Variants in PROKR2 observed in about 807,000 individuals in gnomAD.
PROKR2 encodes prokineticin receptor 2.
A neutral mutation model predicts 23.4 loss-of-function variants in PROKR2; 26 were observed. The ratio of observed to expected loss-of-function variants is 1.11; its 90% CI spans 0.81 to 1.54. The LOEUF (loss-of-function observed/expected upper bound fraction) is 1.54. PROKR2 is among the 40% of genes most tolerant of loss of function. The pLI is 0.00. For synonymous variants in PROKR2, 212 were observed against 201.2 expected, an observed-to-expected ratio of 1.05 and a Z score of -0.45; for missense variants, 453 against 511.5, an observed-to-expected ratio of 0.89 and a Z score of 1.10.
In PROKR2 at chr20:5,301,837, T is replaced by C. The variant is rs1979000061; in HGVS notation, c.*203A>G. 6.6e-6 allele frequency among the ~76,000 whole-genome samples: 1 copy of C among 152,220 alleles called. No individual in the cohort carries two copies. Among genetic ancestry groups the C allele is most frequent in the Non-Finnish European group, 1.5e-5 (1 of 68,042 alleles). The stretch of plus-strand genomic sequence containing the variant: ...GTTGGGATTGTGGACACAGTAGGTG[T>C]CGAGCGGATATCAGTAAATGTCAGC... On this transcript the variant is annotated 3_prime_UTR_variant, in exon 3 of 3. Coordinates refer to ENST00000678254, the MANE Select transcript of PROKR2 (RefSeq NM_144773.4).
chr20:5,303,487 T>C (rs1269213739), intron 2 of PROKR2, among the ~76,000 whole-genome samples: 1 of 152,244 alleles, frequency 6.6e-6, no homozygotes, highest in African/African-American at 2.4e-5. Context: ...CCCACCTCCC[T>C]GGGCCATCTT....
At position 5,316,314 on chromosome 20, in the gene PROKR2, G is replaced by T. The variant is rs946985917; in HGVS notation, c.-9+180C>A. On this transcript the variant is annotated intron_variant, in intron 1 of 2. Transcript: ENST00000678254. This position sits in a 1 kb window ranked among gnomAD's most constrained non-coding sequence, Gnocchi z 5.0. Reference sequence around the variant, plus strand: ...ACCCTACCCGGTCCTAGAGGGCCCAGAGGGGATCTCCTGAAACCAACTCGC... The same window carrying T: ...ACCCTACCCGGTCCTAGAGGGCCCATAGGGGATCTCCTGAAACCAACTCGC... The T allele has an allele frequency of 1.6e-4, 71 of 456,608 alleles. No individual in the cohort carries two copies. The highest frequency in any genetic ancestry group is 2.7e-4 in the Non-Finnish European group (62 of 226,984). The allele number at this position is 456,608 out of a possible 1,614,324, so 28.3% of individuals were successfully genotyped here.
Position 5,299,269 on chromosome 20 carries a change from A to G in PROKR2, c.*2771T>C, listed in dbSNP as rs1978907606. ...TGGATAACAACATTACACTTTAATC[A>G]CTGGAAAATCACAAATACACACTGA... On this transcript the variant is annotated 3_prime_UTR_variant, in exon 3 of 3. Transcript: ENST00000678254. Among the ~76,000 whole-genome samples the G allele has an allele frequency of 6.6e-6, 1 of 152,176 alleles. No individual in the cohort carries two copies. Among genetic ancestry groups the G allele is most frequent in the African/African-American group, 2.4e-5 (1 of 41,446 alleles).
intron 1 of PROKR2, 42 bp from the exon 2 acceptor site, chr20:5,314,419 T>C: frequency 2.4e-5 from 33 of 1,383,368 alleles, no homozygotes; most frequent in Non-Finnish European, 3.1e-5. Flanking sequence ...GGGGTGAGGG[T>C]CCAGACCTTC....
intron 2 of PROKR2, among the ~76,000 whole-genome samples, chr20:5,307,825 AG>A (rs1180754510): frequency 1.3e-5 from 2 of 152,258 alleles, no homozygotes; most frequent in East Asian, 3.8e-4. Context: ...AACTATTAAT[AG>A]CTCTTAATAA....
At chr20:5,303,821 A>G in intron 2 of PROKR2, among the ~76,000 whole-genome samples, 1 of 152,166 alleles carries the variant, frequency 6.6e-6, no homozygotes, top group East Asian at 1.9e-4. Context: ...GAGTCAGGTG[A>G]GAACAAGAGC....
chr20:5,304,032 A>AG (rs765345664), intron 2 of PROKR2, among the ~76,000 whole-genome samples: 3 of 152,214 alleles, frequency 2.0e-5, no homozygotes, highest in Non-Finnish European at 4.4e-5. Flanking sequence ...AAAGCGGCAA[A>AG]GGAGGGAGAG....
chr20:5,315,113 T>C (rs1037154632), intron 1 of PROKR2, among the ~76,000 whole-genome samples: 5 of 151,040 alleles, frequency 3.3e-5, no homozygotes, highest in Admixed American at 2.0e-4. Context: ...GCCTGGTGCA[T>C]AGTGGGGGCT....
At chr20:5,313,641 C>G (rs1330381839) in intron 2 of PROKR2, among the ~76,000 whole-genome samples, 2 of 152,214 alleles carry the variant, frequency 1.3e-5, no homozygotes, top group Non-Finnish European at 2.9e-5. Context: ...TCTGCTTTCC[C>G]TTTGTGTTGG....
At position 5,302,289 on chromosome 20, in the gene PROKR2, G is replaced by C. The variant is rs762046491; in HGVS notation, c.906C>G (p.Pro302=). The change falls in exon 3 of 3, where the codon CCC becomes CCG. Residue 302 remains proline (P), a synonymous_variant. Coordinates refer to ENST00000678254, the MANE Select transcript of PROKR2 (RefSeq NM_144773.4). Reference sequence around the variant, plus strand: ...AGTGCTTTTCCTTCACGAACACAGTGGGGAAGAAGTCACGAACGATGGTGA... The same window carrying C: ...AGTGCTTTTCCTTCACGAACACAGTCGGGAAGAAGTCACGAACGATGGTGA... The part of the protein sequence containing the change: ...YGFTIVRDFF[P]TVFVKEKHYL... 1 of 1,614,234 alleles carries C rather than the reference G, an allele frequency of 6.2e-7. No individual in the cohort carries two copies.
At position 5,316,503 on chromosome 20, in the gene PROKR2, C is replaced by T. The variant is rs370267893; in HGVS notation, c.-18G>A. 5.3e-6 allele frequency: 2 copies of T among 374,592 alleles called. No homozygotes were observed. Among genetic ancestry groups the T allele is most frequent in the Non-Finnish European group, 1.1e-5 (2 of 186,070 alleles). The allele number at this position is 374,592 out of a possible 1,614,324, so 23.2% of individuals were successfully genotyped here. A position where few individuals can be genotyped will look rare whatever the true frequency, so the allele number is the denominator to read the frequency against. ...GGATCTAAGCCCTTACCTGTCTCGG[C>T]GCCTCCTTTCTGTGCGCTCTGCTGC... On this transcript the variant is annotated 5_prime_UTR_variant, in exon 1 of 3. Transcript: ENST00000678254. The surrounding 1 kb of genome is among the most constrained non-coding windows in gnomAD (Gnocchi z 5.0).
chr20:5,303,364 A>T (rs1979086090), intron 2 of PROKR2, among the ~76,000 whole-genome samples: 1 of 152,156 alleles, frequency 6.6e-6, no homozygotes, highest in Admixed American at 6.5e-5. Flanking sequence ...GAGGCAGGAG[A>T]GTCAAGGTAA....
rs1481535290 is a variant in PROKR2 at position 5,314,385 on chromosome 20, A to G, written c.-8-8T>C. 1 of 1,612,316 alleles carries G rather than the reference A, an allele frequency of 6.2e-7. No homozygotes were observed. Among genetic ancestry groups the G allele is most frequent in the East Asian group, 2.2e-5 (1 of 44,874 alleles). On this transcript the variant is annotated splice_polypyrimidine_tract_variant and splice_region_variant and intron_variant, in intron 1 of 2. Coordinates refer to ENST00000678254, the MANE Select transcript of PROKR2 (RefSeq NM_144773.4). ...GGGCTGCCATGGTGATGTCTGCAAGAAAAGTGGTGTGAGGGAGGTGCGAGG... is the reference window on the plus strand; with the variant it reads ...GGGCTGCCATGGTGATGTCTGCAAGGAAAGTGGTGTGAGGGAGGTGCGAGG...
rs984621802 is a variant in PROKR2, at chr20:5,300,930, T to C, written c.*1110A>G. The stretch of plus-strand genomic sequence containing the variant: ...ATTACCCATCTCCACCCAAATAAAA[T>C]GATAAGCTTTCAAGCATCAGTGGGA... On this transcript the variant is annotated 3_prime_UTR_variant, in exon 3 of 3. Transcript: ENST00000678254. Among the ~76,000 whole-genome samples, 1 of 152,168 alleles carries C rather than the reference T, an allele frequency of 6.6e-6. No individual in the cohort carries two copies.
chr20:5,314,205 G>A lies in PROKR2; in HGVS notation c.165C>T (p.Val55=). 2.5e-6 allele frequency: 4 copies of A among 1,614,206 alleles called. No homozygotes were observed. The highest frequency in any genetic ancestry group is 3.4e-6 in the Non-Finnish European group (4 of 1,180,030). ...TGATGCCTGCCAGTGCAATGCCAAT[G>A]ACGATCTTGGCTGCGAAGAAGGTCC... is the stretch of plus-strand genomic sequence containing the variant. ...KTRTFFAAKI[V]IGIALAGIML... is the part of the protein sequence containing the mutation. The change falls in exon 2 of 3, where the codon GTC becomes GTT. Residue 55 remains valine, a synonymous_variant. Transcript: ENST00000678254.
chr20:5,315,761 G>T (rs935605003), intron 1 of PROKR2: 1 of 440,606 alleles, frequency 2.3e-6, no homozygotes, highest in Non-Finnish European at 4.5e-6. Context: ...CACACCCGGA[G>T]GTGTCTTCTC....
chr20:5,302,475 G>T lies in PROKR2; in HGVS notation c.720C>A (p.Thr240=). The T allele has an allele frequency of 6.2e-7, 1 of 1,614,202 alleles. No homozygotes were observed. The highest frequency in any genetic ancestry group is 8.5e-7 in the Non-Finnish European group (1 of 1,180,040). ...CCCGGGAGATCCTGGCATAGCACAGGGTCATGGTGACCACAGGGCCCACGA... is the reference window on the plus strand; with the variant it reads ...CCCGGGAGATCCTGGCATAGCACAGTGTCATGGTGACCACAGGGCCCACGA... ...VEFVGPVVTM[T]LCYARISREL... The change falls in exon 3 of 3, where the codon ACC becomes ACA. Residue 240 remains threonine (T), a synonymous_variant. Coordinates refer to ENST00000678254, the MANE Select transcript of PROKR2 (RefSeq NM_144773.4).
At chr20:5,315,953 G>A (rs1042913690) in intron 1 of PROKR2, 7 of 456,204 alleles carry the variant, frequency 1.5e-5, no homozygotes, top group Non-Finnish European at 3.1e-5. Flanking sequence ...CTCCCCGCCC[G>A]GGAGCGACCC....
chr20:5,316,171 T>C lies in PROKR2; in HGVS notation c.-9+323A>G, dbSNP rs1455698766. ...GGACGCTTGCTGTTTCCTGCTCACC[T>C]TTCAGGAAGGTGCCCCTCTACCTGC... On this transcript the variant is annotated intron_variant, in intron 1 of 2. Coordinates refer to ENST00000678254, the MANE Select transcript of PROKR2 (RefSeq NM_144773.4). This position sits in a 1 kb window ranked among gnomAD's most constrained non-coding sequence, Gnocchi z 5.0. 2.2e-6 allele frequency: 1 copy of C among 456,504 alleles called. No homozygotes were observed. The highest frequency in any genetic ancestry group is 2.0e-5 in the African/African-American group (1 of 50,046). 28.3% of individuals were successfully genotyped at this position (456,504 alleles called of 1,614,324 possible). A position where few individuals can be genotyped will look rare whatever the true frequency, so the allele number is the denominator to read the frequency against.
Sources: gnomAD v4.1 joint callset for allele counts (sites outside exome capture counted in the v4.1 genomes callset) on GRCh38, gnomAD v4.1.1 for gene constraint, Gnocchi (gnomAD v3.1) non-coding constraint, MANE v1.5 for transcripts, NCBI Gene and HGNC (gene_info 2026-07-23, HGNC 2026-07-21) for gene names.